The following NTM variants were observed in gnomAD, a reference collection of about 807,000 sequenced individuals.
NTM encodes neurotrimin.
Under a neutral mutation model 42.1 loss-of-function variants are expected in NTM, and 13 were observed. The observed-to-expected ratio is 0.31, with a 90% CI of 0.20 to 0.49. NTM has a LOEUF of 0.49. NTM is among the 20% of genes least tolerant of loss of function. The pLI, the probability that NTM is intolerant of heterozygous loss-of-function variation, is 0.99. For synonymous variants in NTM, 187 were observed against 179.2 expected (o/e 1.04, Z -0.35); for missense variants, 373 against 452.8 (o/e 0.82, Z 1.60).
chr11:131,735,417 C>T (rs2080285530), intron 1 of NTM, among the ~76,000 whole-genome samples: 1 of 152,034 alleles, frequency 6.6e-6, no homozygotes, highest in South Asian at 2.1e-4. Context: ...TTTTTATATC[C>T]AAAATATGCA....
At chr11:131,657,042 G>C (rs370304911) in intron 1 of NTM, among the ~76,000 whole-genome samples, 4 of 147,328 alleles carry the variant, frequency 2.7e-5, no homozygotes, top group Admixed American at 6.7e-5. Context: ...CATTGTTAGC[G>C]GGGAGGAAGG....
chr11:132,026,813 G>A (rs2075248496), intron 2 of NTM, among the ~76,000 whole-genome samples: 1 of 152,198 alleles, frequency 6.6e-6, no homozygotes, highest in African/African-American at 2.4e-5. Context: ...ATTGAGGATT[G>A]TGGGACTGGT....
intron 1 of NTM, among the ~76,000 whole-genome samples, chr11:131,797,048 G>C (rs554096367): frequency 2.1e-4 from 32 of 152,088 alleles, no homozygotes; most frequent in Admixed American, 6.5e-5. Flanking sequence ...TACTTAGAAG[G>C]CTCTAATAAT....
intron 5 of NTM, among the ~76,000 whole-genome samples, chr11:132,309,500 G>A (rs896820803): frequency 5.3e-5 from 8 of 152,310 alleles, no homozygotes; most frequent in African/African-American, 1.9e-4. Context: ...CTGTCAACCC[G>A]TGGAGTGTAG....
chr11:131,918,224 T>TGGGGCTATGCATGCTGAAGGAA (rs1157861416), intron 2 of NTM, among the ~76,000 whole-genome samples: 2 of 152,146 alleles, frequency 1.3e-5, no homozygotes, highest in Non-Finnish European at 2.9e-5. Context: ...AGCCCTCACT[T>TGGGGCTATGCATGCTGAAGGAA]GGGGCTATGC....
intron 2 of NTM, among the ~76,000 whole-genome samples, chr11:132,027,655 C>A (rs528477806): frequency 2.0e-5 from 3 of 152,238 alleles, no homozygotes; most frequent in African/African-American, 7.2e-5. Flanking sequence ...TCTTCCCCGA[C>A]CCTCAGTTTC....
intron 1 of NTM, among the ~76,000 whole-genome samples, chr11:131,575,433 G>A (rs2512888): frequency 0.64 from 97,654 of 152,006 alleles, 32,509 homozygotes; most frequent in African/African-American, 0.83. Context: ...TATTTATATG[G>A]CAGTACACAA....
chr11:131,658,066 C>T lies in NTM; in HGVS notation c.83-253498C>T, dbSNP rs113517627. On this transcript the variant is annotated intron_variant, in intron 1 of 8. Coordinates refer to ENST00000683400, the MANE Select transcript of NTM (RefSeq NM_001352005.2). The stretch of plus-strand genomic sequence containing the variant: ...TAAAGGGGTGGGGTGGGGAGATAAT[C>T]GTGGGACAACATGGTTTTCTATTTC... 1.5e-3 allele frequency among the ~76,000 whole-genome samples: 223 copies of T among 152,244 alleles called. 1 individual carries two copies. The highest frequency in any genetic ancestry group is 5.0e-3 in the African/African-American group (207 of 41,546).
chr11:131,921,904 C>T (rs1019926482), intron 2 of NTM, among the ~76,000 whole-genome samples: 6 of 152,116 alleles, frequency 3.9e-5, no homozygotes, highest in East Asian at 3.9e-4. Context: ...GGCCATGCAT[C>T]GTTTTCTAGA....
At chr11:131,670,106 ACTC>A (rs2069850688) in intron 1 of NTM, among the ~76,000 whole-genome samples, 1 of 152,004 alleles carries the variant, frequency 6.6e-6, no homozygotes, top group African/African-American at 2.4e-5. Flanking sequence ...ATTGTCTCTG[ACTC>A]CTCATTTGTA....
In NTM at chr11:132,186,429, C is replaced by T. The variant is rs553108201; in HGVS notation, c.401-25593C>T. On this transcript the variant is annotated intron_variant, in intron 3 of 8. Coordinates refer to ENST00000683400, the MANE Select transcript of NTM (RefSeq NM_001352005.2). ...ATCCCAGCCAGTCTTGGATCTCTAA[C>T]GCAGCCTTCTCTTTTTAGTTTGACT... is the stretch of plus-strand genomic sequence containing the variant. Among the ~76,000 whole-genome samples, 21 of 152,322 alleles carry T rather than the reference C, an allele frequency of 1.4e-4. 1 individual carries two copies. The South Asian group carries it at 3.9e-3, about 29-fold the overall frequency.
intron 7 of NTM, among the ~76,000 whole-genome samples, chr11:132,325,370 A>G (rs1226269319): frequency 6.6e-6 from 1 of 152,232 alleles, no homozygotes; most frequent in Non-Finnish European, 1.5e-5. Context: ...ATGAACAGAC[A>G]CTTCTCAAAA....
chr11:131,841,543 AT>A (rs932281208), intron 1 of NTM, among the ~76,000 whole-genome samples: 42 of 151,668 alleles, frequency 2.8e-4, no homozygotes, highest in East Asian at 2.3e-3. Context: ...AATAAGTCAC[AT>A]TTTTTTTTAA....
chr11:132,284,216 G>A (rs1164812265), intron 4 of NTM: 1 of 152,268 alleles, frequency 6.6e-6, no homozygotes, highest in Non-Finnish European at 1.5e-5. Context: ...CTGGTTGCTA[G>A]CGCTGAGGTA....
At chr11:131,959,601 A>C (rs1369809427) in intron 2 of NTM, among the ~76,000 whole-genome samples, 1 of 152,092 alleles carries the variant, frequency 6.6e-6, no homozygotes, top group East Asian at 1.9e-4. Context: ...ACACCACTGC[A>C]CTCCAGCCTG....
intron 1 of NTM, among the ~76,000 whole-genome samples, chr11:131,465,993 A>G (rs1951844861): frequency 6.6e-6 from 1 of 152,178 alleles, no homozygotes; most frequent in South Asian, 2.1e-4. Context: ...AGAAGCTATC[A>G]CTCTGCAGGA....
intron 1 of NTM, among the ~76,000 whole-genome samples, chr11:131,762,484 G>C (rs1207987721): frequency 6.6e-6 from 1 of 152,240 alleles, no homozygotes; most frequent in Non-Finnish European, 1.5e-5. Flanking sequence ...TGGGCTGCAT[G>C]CAGGCCAAGG....
intron 1 of NTM, among the ~76,000 whole-genome samples, chr11:131,506,004 G>A: frequency 6.6e-6 from 1 of 152,142 alleles, no homozygotes; most frequent in East Asian, 1.9e-4. Flanking sequence ...ATACCCATAA[G>A]AAGCCTGTTG....
intron 1 of NTM, among the ~76,000 whole-genome samples, chr11:131,882,014 G>T (rs913872896): frequency 6.6e-6 from 1 of 152,196 alleles, no homozygotes. Context: ...AGAAAATAGG[G>T]TGAAATCCAG....
Sources: allele counts gnomAD v4.1 joint callset (sites outside exome capture counted in the v4.1 genomes callset), GRCh38; gene constraint gnomAD v4.1.1; transcripts MANE v1.5; gene names NCBI Gene and HGNC (gene_info 2026-07-23, HGNC 2026-07-21).